Variants in COL14A1 observed in about 807,000 individuals in gnomAD.
COL14A1 encodes collagen type XIV alpha 1 chain.
COL14A1 carries 136 observed loss-of-function variants against 230.3 expected under a neutral mutation model. The observed-to-expected ratio is 0.59, with a 90% CI of 0.51 to 0.68. The LOEUF (loss-of-function observed/expected upper bound fraction) is 0.68. Ranked by LOEUF, COL14A1 falls within the 30% of genes least tolerant of loss-of-function variation. The probability of loss-of-function intolerance (pLI) is 0.00; values close to 1 mark genes in which losing one functional copy is unlikely to be tolerated. For missense variants in COL14A1, 1,976 were observed against 2,215.8 expected, an observed-to-expected ratio of 0.89 and a Z score of 2.17; for synonymous variants, 792 against 784.1, an observed-to-expected ratio of 1.01 and a Z score of -0.17.
chr8:120,232,390 G>A (rs1818301997), intron 19 of COL14A1, among the ~76,000 whole-genome samples: 1 of 152,014 alleles, frequency 6.6e-6, no homozygotes, highest in Admixed American at 6.6e-5. Context: ...TCTACATTAA[G>A]TATTTCTCCT....
chr8:120,345,532 T>C lies in COL14A1; in HGVS notation c.5046T>C (p.Asn1682=), dbSNP rs766724117. ...CAGGCACACCAGGCTTCCCCGGAAA[T>C]GCAGGCGTGCCAGGGACCCCAGGAG... ...GPPGTPGFPG[N]AGVPGTPGER... is the part of the protein sequence containing the mutation. The change falls in exon 45 of 48, where the codon AAT becomes AAC. Residue 1682 remains asparagine, a synonymous_variant. Transcript: ENST00000297848. 7.7e-6 allele frequency: 12 copies of C among 1,568,208 alleles called. No individual in the cohort carries two copies. The South Asian group carries it at 1.4e-4, about 19-fold the overall frequency.
At position 120,203,792 on chromosome 8, in the gene COL14A1, G is replaced by A. The variant is rs367633536; in HGVS notation, c.961G>A (p.Asp321Asn). Residue 321 changes from aspartate to asparagine, a missense_variant, in exon 9 of 48, where the codon GAT becomes AAT. Coordinates refer to ENST00000297848, the MANE Select transcript of COL14A1 (RefSeq NM_021110.4). ...STHVYNVAEF[D>N]LMHTVVESLT... is the part of the protein sequence containing the mutation. ...TCATGTGTACAATGTTGCCGAATTC[G>A]ATCTGATGCACACAGTTGTGGAGAG... is the stretch of plus-strand genomic sequence containing the variant. 7 of 1,613,910 alleles carry A rather than the reference G, an allele frequency of 4.3e-6. No individual in the cohort carries two copies. The highest frequency in any genetic ancestry group is 1.3e-5 in the African/African-American group (1 of 74,996).
chr8:120,270,886 A>T (rs1264306734), intron 26 of COL14A1, among the ~76,000 whole-genome samples: 3 of 151,818 alleles, frequency 2.0e-5, no homozygotes, highest in African/African-American at 7.2e-5. Context: ...TACCCAAAGG[A>T]ATATAAATCA....
chr8:120,147,447 T>C (rs1815133197), intron 1 of COL14A1, among the ~76,000 whole-genome samples: 1 of 152,140 alleles, frequency 6.6e-6, no homozygotes, highest in Admixed American at 6.6e-5. Flanking sequence ...GTGACAAATA[T>C]GGGAGGAACA....
chr8:120,220,564 G>C (rs201792912), intron 14 of COL14A1, among the ~76,000 whole-genome samples: 2 of 152,016 alleles, frequency 1.3e-5, no homozygotes, highest in African/African-American at 2.4e-5. Flanking sequence ...GAGCCACCGC[G>C]CCCAGCCCAT....
chr8:120,285,783 T>A (rs1820177470), intron 32 of COL14A1, 78 bp from the exon 33 acceptor site: 2 of 899,508 alleles, frequency 2.2e-6, no homozygotes, highest in African/African-American at 1.7e-5. Flanking sequence ...TGCATTGTTT[T>A]GTTTTGAGTT....
intron 44 of COL14A1, 119 bp downstream of exon 44, chr8:120,342,565 A>G: frequency 1.1e-6 from 1 of 918,918 alleles, no homozygotes; most frequent in Non-Finnish European, 1.7e-6. Flanking sequence ...TTGTGCAGAC[A>G]CATAAGCTTT....
At chr8:120,294,115 A>G (rs2124470) in intron 34 of COL14A1, among the ~76,000 whole-genome samples, 105,293 of 151,450 alleles carry the variant, frequency 0.7, 38,268 homozygotes, top group African/African-American at 0.92. Flanking sequence ...ATATAAATTC[A>G]GGTACAGCTT....
intron 19 of COL14A1, among the ~76,000 whole-genome samples, chr8:120,237,049 C>G (rs1818465998): frequency 6.6e-6 from 1 of 152,182 alleles, no homozygotes; most frequent in African/African-American, 2.4e-5. Flanking sequence ...CTGCCCTTAA[C>G]ATTTTTTCCT....
chr8:120,315,873 T>G, intron 39 of COL14A1, 71 bp from the exon 40 acceptor site: 1 of 1,519,274 alleles, frequency 6.6e-7, no homozygotes, highest in East Asian at 2.3e-5. Context: ...CTTCATCTAT[T>G]TCAGGGAAGC....
In COL14A1 at chr8:120,308,021, G is replaced by A. The variant is rs187352880; in HGVS notation, c.4402-1988G>A. On this transcript the variant is annotated intron_variant, in intron 36 of 47. Transcript: ENST00000297848. Reference sequence around the variant, plus strand: ...TTTTGAGACGGAGTCTCACGCTGTCGCTTAGGCTGGGGTGCAGTGGCATGA... The same window carrying A: ...TTTTGAGACGGAGTCTCACGCTGTCACTTAGGCTGGGGTGCAGTGGCATGA... 6.6e-3 allele frequency among the ~76,000 whole-genome samples: 1,001 copies of A among 152,236 alleles called. 11 individuals carry two copies. The highest frequency in any genetic ancestry group is 9.3e-3 in the Non-Finnish European group (632 of 68,014).
At chr8:120,238,017 C>T (rs186917327) in intron 19 of COL14A1, among the ~76,000 whole-genome samples, 108 of 152,248 alleles carry the variant, frequency 7.1e-4, no homozygotes, top group African/African-American at 2.3e-3. Flanking sequence ...TGCCAGATGC[C>T]AGCTGGAGCT....
rs145672634 is a variant in COL14A1, at chr8:120,289,296, G to T, written c.4078-312G>T. 2.3e-4 allele frequency among the ~76,000 whole-genome samples: 35 copies of T among 152,188 alleles called. No individual in the cohort carries two copies. The East Asian group carries it at 4.8e-3, about 21-fold the overall frequency. ...TAATTTTAATGTGCATTCAGAAAAGGCATGGCTAGTACAGCAGTCCTGTAA... is the reference window on the plus strand; with the variant it reads ...TAATTTTAATGTGCATTCAGAAAAGTCATGGCTAGTACAGCAGTCCTGTAA... On this transcript the variant is annotated intron_variant, in intron 33 of 47. Transcript: ENST00000297848.
At chr8:120,157,350 A>G (rs1440008630) in intron 2 of COL14A1, among the ~76,000 whole-genome samples, 11 of 152,196 alleles carry the variant, frequency 7.2e-5, no homozygotes, top group Admixed American at 7.2e-4. Flanking sequence ...TATTACCATA[A>G]TATATCCGTA....
chr8:120,238,212 C>T (rs1426132435), intron 19 of COL14A1, among the ~76,000 whole-genome samples: 3 of 152,182 alleles, frequency 2.0e-5, no homozygotes, highest in Admixed American at 6.5e-5. Flanking sequence ...CCCACAGCCA[C>T]CCCTTCCCCC....
At chr8:120,361,476 T>C (rs1823212652) in intron 45 of COL14A1, among the ~76,000 whole-genome samples, 2 of 152,218 alleles carry the variant, frequency 1.3e-5, no homozygotes, top group African/African-American at 2.4e-5. Flanking sequence ...CAGTACTTAT[T>C]GAATTAACTC....
At chr8:120,196,652 A>T (rs1402612031) in intron 5 of COL14A1, 139 bp from the exon 6 acceptor site, 1 of 765,212 alleles carries the variant, frequency 1.3e-6, no homozygotes, top group Admixed American at 3.0e-5. Flanking sequence ...ATTTAAGGGA[A>T]GAGTTGTAAA....
At chr8:120,244,055 G>A (rs1586798739) in intron 20 of COL14A1, 47 bp downstream of exon 20, 1 of 1,593,470 alleles carries the variant, frequency 6.3e-7, no homozygotes, top group South Asian at 1.1e-5. Flanking sequence ...TCATTAAATG[G>A]AAATGCTTGT....
At chr8:120,188,381 C>T (rs1004561124) in intron 5 of COL14A1, among the ~76,000 whole-genome samples, 1 of 152,144 alleles carries the variant, frequency 6.6e-6, no homozygotes, top group Non-Finnish European at 1.5e-5. Context: ...CACACCCAGA[C>T]TTAACATTTA....
Sources: gnomAD v4.1 joint callset for allele counts (sites outside exome capture counted in the v4.1 genomes callset) on GRCh38, gnomAD v4.1.1 for gene constraint, MANE v1.5 for transcripts, NCBI Gene and HGNC (gene_info 2026-07-23, HGNC 2026-07-21) for gene names.